Variants in RACGAP1 observed in about 807,000 individuals in gnomAD.
RACGAP1 encodes Rac GTPase activating protein 1, also known as rac GTPase-activating protein 1.
In RACGAP1, 30 loss-of-function variants were observed where a neutral mutation model predicts 78.1. The observed-to-expected ratio is 0.38, with a 90% CI of 0.29 to 0.52. The LOEUF (loss-of-function observed/expected upper bound fraction) is 0.52. RACGAP1 is among the 20% of genes least tolerant of loss of function. The pLI is 0.82. For missense variants in RACGAP1, 587 were observed against 777.1 expected, an observed-to-expected ratio of 0.76 and a Z score of 2.91; for synonymous variants, 231 against 264.8, an observed-to-expected ratio of 0.87 and a Z score of 1.24.
chr12:50,031,252 G>A (rs183533313), intron 2 of RACGAP1, among the ~76,000 whole-genome samples: 73 of 150,848 alleles, frequency 4.8e-4, no homozygotes, highest in Admixed American at 3.9e-3. Context: ...TGAGGCAGGC[G>A]GATCATTTGA....
At chr12:49,996,031 G>T (rs1592139796) in intron 10 of RACGAP1, among the ~76,000 whole-genome samples, 1 of 152,142 alleles carries the variant, frequency 6.6e-6, no homozygotes, top group East Asian at 1.9e-4. Flanking sequence ...AGACATAAAG[G>T]CTGGGTGCCA....
intron 9 of RACGAP1, among the ~76,000 whole-genome samples, chr12:49,998,940 T>C (rs1476300162): frequency 2.0e-5 from 3 of 152,078 alleles, no homozygotes; most frequent in African/African-American, 7.2e-5. Context: ...TCAGAAAAGT[T>C]GGTCTCTTTA....
intron 2 of RACGAP1, among the ~76,000 whole-genome samples, chr12:50,008,169 GAAA>G (rs71441313): frequency 1.5e-4 from 9 of 60,684 alleles, no homozygotes; most frequent in East Asian, 1.1e-3. Flanking sequence ...TGAGAAATGT[GAAA>G]AAAAAAAAAA....
At chr12:50,033,374 T>C (rs147028647), upstream of RACGAP1, among the ~76,000 whole-genome samples, 803 of 152,082 alleles carry the variant, frequency 5.3e-3, 10 homozygotes, top group African/African-American at 0.018. Context: ...CACCTCTGGC[T>C]GGGACTCAAG....
intron 2 of RACGAP1, among the ~76,000 whole-genome samples, chr12:50,008,860 T>C (rs1212054919): frequency 6.6e-6 from 1 of 152,184 alleles, no homozygotes; most frequent in African/African-American, 2.4e-5. Flanking sequence ...CAGAAGGCAT[T>C]TTGGGCCATA....
chr12:50,026,358 A>G (rs900573143), upstream of RACGAP1, among the ~76,000 whole-genome samples: 26 of 152,304 alleles, frequency 1.7e-4, no homozygotes, highest in Admixed American at 9.8e-4. Flanking sequence ...TTAAAAAAAA[A>G]AAAAGAAAAG....
At chr12:50,023,173 T>A (rs954458775) in intron 1 of RACGAP1, among the ~76,000 whole-genome samples, 1 of 152,218 alleles carries the variant, frequency 6.6e-6, no homozygotes, top group Non-Finnish European at 1.5e-5. Flanking sequence ...GGACAATATT[T>A]TTCTTCAGGT....
intron 2 of RACGAP1, among the ~76,000 whole-genome samples, chr12:50,014,771 A>G (rs1235792300): frequency 6.6e-6 from 1 of 151,416 alleles, no homozygotes; most frequent in East Asian, 1.9e-4. Flanking sequence ...TTTTGTGGCC[A>G]GGTGCTCATA....
In RACGAP1 at chr12:49,997,218, G is replaced by A; in HGVS notation, c.880-14C>T. The stretch of plus-strand genomic sequence containing the variant: ...AGGTTTAATAACCTGGGATAAAACA[G>A]GGCAGAAGGAACAGAGTGATATGAA... On this transcript the variant is annotated splice_polypyrimidine_tract_variant and intron_variant, in intron 9 of 16. Coordinates refer to ENST00000312377, the MANE Select transcript of RACGAP1 (RefSeq NM_001319999.2). The A allele has an allele frequency of 1.9e-6, 3 of 1,553,926 alleles. No homozygotes were observed. The highest frequency in any genetic ancestry group is 2.6e-6 in the Non-Finnish European group (3 of 1,141,466).
chr12:50,000,018 A>ATGTTTTTTGTTTTTT (rs1555172403), intron 7 of RACGAP1, among the ~76,000 whole-genome samples: 1 of 99,642 alleles, frequency 1.0e-5, no homozygotes, highest in African/African-American at 3.8e-5. Flanking sequence ...CACCTGACTG[A>ATGTTTTTTGTTTTTT]TTTTTTTTTT....
intron 9 of RACGAP1, 68 bp from the exon 10 acceptor site, chr12:49,997,272 CTTTT>C (rs540814831): frequency 1.3e-3 from 1,510 of 1,154,216 alleles, no homozygotes; most frequent in South Asian, 3.2e-3. Flanking sequence ...AATCAACTAA[CTTTT>C]TTTTTTTTTT....
chr12:49,995,897 A>G (rs1195906386), intron 10 of RACGAP1, among the ~76,000 whole-genome samples: 1 of 152,244 alleles, frequency 6.6e-6, no homozygotes, highest in Non-Finnish European at 1.5e-5. Flanking sequence ...TATGTCTAAC[A>G]TAAGAGCAAG....
In RACGAP1 at chr12:49,994,356, A is replaced by T. The variant is rs200617722; in HGVS notation, c.1141-27T>A. On this transcript the variant is annotated intron_variant, in intron 11 of 16. Coordinates refer to ENST00000312377, the MANE Select transcript of RACGAP1 (RefSeq NM_001319999.2). ...TATTATCAAGATGACATTTTTATTT[A>T]AAAACCTCCGAATTAACACAAATAA... is the stretch of plus-strand genomic sequence containing the variant. The T allele has an allele frequency of 3.8e-5, 61 of 1,612,800 alleles. No homozygotes were observed. In the African/African-American group the frequency reaches 7.5e-4, roughly 20 times the overall value.
chr12:50,032,459 CA>C (rs1346127811), intron 1 of RACGAP1, among the ~76,000 whole-genome samples: 3 of 152,066 alleles, frequency 2.0e-5, no homozygotes, highest in African/African-American at 2.4e-5. Flanking sequence ...CCCAAAATAC[CA>C]CCCACCCTTC....
intron 10 of RACGAP1, among the ~76,000 whole-genome samples, chr12:49,996,742 A>C (rs1329243217): frequency 7.0e-6 from 1 of 141,854 alleles, no homozygotes; most frequent in Non-Finnish European, 1.5e-5. Flanking sequence ...CTCTAGTTTT[A>C]TATATGTCTG....
intron 2 of RACGAP1, among the ~76,000 whole-genome samples, chr12:50,031,203 G>A (rs1328846851): frequency 2.0e-4 from 31 of 151,826 alleles, no homozygotes; most frequent in Non-Finnish European, 1.0e-4. Context: ...TCTGCCGTGC[G>A]CGGTGGCTCA....
chr12:50,000,138 C>T (rs1033439080), intron 7 of RACGAP1, among the ~76,000 whole-genome samples: 5 of 151,376 alleles, frequency 3.3e-5, no homozygotes, highest in Non-Finnish European at 5.9e-5. Context: ...CTCAGCCTCC[C>T]GAGTAGCTGG....
At chr12:49,991,370 A>AT (rs1947824279) in intron 15 of RACGAP1, among the ~76,000 whole-genome samples, 1 of 148,782 alleles carries the variant, frequency 6.7e-6, no homozygotes, top group South Asian at 2.1e-4. Flanking sequence ...CTACTAGAAC[A>AT]TTTAAGTAAA....
intron 6 of RACGAP1, among the ~76,000 whole-genome samples, 160 bp from the exon 7 acceptor site, chr12:50,001,412 C>T (rs1421615722): frequency 6.6e-6 from 1 of 152,086 alleles, no homozygotes; most frequent in Non-Finnish European, 1.5e-5. Context: ...TGCCTATTTC[C>T]ACATGAAGAA....
Sources: allele counts gnomAD v4.1 joint callset (sites outside exome capture counted in the v4.1 genomes callset), GRCh38; gene constraint gnomAD v4.1.1; transcripts MANE v1.5; gene names NCBI Gene and HGNC (gene_info 2026-07-23, HGNC 2026-07-21).